Variants in GRK4 observed in about 807,000 individuals in gnomAD.
The protein encoded by GRK4 is G protein-coupled receptor kinase 4, also known as G protein-coupled receptor kinase 2-like.
A neutral mutation model predicts 77.9 loss-of-function variants in GRK4; 73 were observed. The ratio of observed to expected loss-of-function variants is 0.94; its 90% CI spans 0.78 to 1.14. The LOEUF is 1.14. Among genes scored for constraint, GRK4 ranks in the 50% most tolerant of loss-of-function variants. The pLI, the probability that GRK4 is intolerant of heterozygous loss-of-function variation, is 0.00. For synonymous variants in GRK4, 257 were observed against 254.4 expected (o/e 1.01, Z -0.10); for missense variants, 729 against 700.2 (o/e 1.04, Z -0.46).
At chr4:2,972,964 A>T (rs1368945064) in intron 1 of GRK4, among the ~76,000 whole-genome samples, 1 of 152,162 alleles carries the variant, frequency 6.6e-6, no homozygotes, top group Non-Finnish European at 1.5e-5. Context: ...TAAACTCCTG[A>T]ACCCAAGTGA....
chr4:2,987,280 T>C (rs1042726590), intron 2 of GRK4: 2 of 343,944 alleles, frequency 5.8e-6, no homozygotes, highest in African/African-American at 4.3e-5. Flanking sequence ...CATCCTTTTT[T>C]GTTGGTGAAT....
At chr4:2,994,403 G>T (rs1727192723) in intron 4 of GRK4, among the ~76,000 whole-genome samples, 1 of 152,132 alleles carries the variant, frequency 6.6e-6, no homozygotes, top group Non-Finnish European at 1.5e-5. Flanking sequence ...TACAGACGGG[G>T]TTTTGCCATA....
chr4:3,004,221 C>T lies in GRK4; in HGVS notation c.340-10C>T, dbSNP rs765732679. ...CTAATGGTTATGTATTTGGTTTGTA[C>T]TGTATTAAGTTGGCAGCCCCTTTAC... On this transcript the variant is annotated splice_polypyrimidine_tract_variant and intron_variant, in intron 4 of 15. Coordinates refer to ENST00000398052, the MANE Select transcript of GRK4 (RefSeq NM_182982.3). 8 of 1,577,216 alleles carry T rather than the reference C, an allele frequency of 5.1e-6. No individual in the cohort carries two copies. The highest frequency in any genetic ancestry group is 7.0e-6 in the Non-Finnish European group (8 of 1,146,670).
Position 3,013,693 on chromosome 4 carries a change from C to G in GRK4, c.606C>G (p.Cys202Trp). 1.2e-6 allele frequency: 2 copies of G among 1,606,396 alleles called. No individual in the cohort carries two copies. Among genetic ancestry groups the G allele is most frequent in the Non-Finnish European group, 1.7e-6 (2 of 1,177,672 alleles). ...TATTTTGCTGTTTAAACTAGGTTTG[C>G]GCCTGTCAAGTGCGAGCCACAGGAA... is the stretch of plus-strand genomic sequence containing the variant. The part of the protein sequence containing the change: ...VLGKGGFGEV[C>W]ACQVRATGKM... Residue 202 changes from cysteine to tryptophan, a missense_variant, in exon 8 of 16, where the codon TGC becomes TGG. Cys to Trp is a radical substitution (Grantham distance 215, BLOSUM62 -2). Transcript: ENST00000398052.
In GRK4 at chr4:2,963,830, T is replaced by A; in HGVS notation, c.-241T>A. 1.8e-6 allele frequency: 1 copy of A among 550,194 alleles called. No individual in the cohort carries two copies. Among genetic ancestry groups the A allele is most frequent in the South Asian group, 2.2e-5 (1 of 45,000 alleles). The allele number at this position is 550,194 out of a possible 1,614,324, so 34.1% of individuals were successfully genotyped here. ...CGGTGACAGCTGGGACCCGCCGCGG[T>A]CGGGCTGCCCCCTCCCCTCGCCCCG... On this transcript the variant is annotated 5_prime_UTR_variant, in exon 1 of 16. Coordinates refer to ENST00000398052, the MANE Select transcript of GRK4 (RefSeq NM_182982.3).
In GRK4 at chr4:2,963,788, G is replaced by T; in HGVS notation, c.-283G>T. ...AGGGCGATGGGGCCAAGAAGAACCGGGGCGATAGCGCGGCAGCGGTGACAG... is the reference window on the plus strand; with the variant it reads ...AGGGCGATGGGGCCAAGAAGAACCGTGGCGATAGCGCGGCAGCGGTGACAG... On this transcript the variant is annotated 5_prime_UTR_variant, in exon 1 of 16. Coordinates refer to ENST00000398052, the MANE Select transcript of GRK4 (RefSeq NM_182982.3). 1.9e-6 allele frequency: 1 copy of T among 517,976 alleles called. No homozygotes were observed. The highest frequency in any genetic ancestry group is 3.4e-6 in the Non-Finnish European group (1 of 295,528). 32.1% of individuals were successfully genotyped at this position (517,976 alleles called of 1,614,324 possible).
At chr4:3,036,299 G>A (rs1184484748) in intron 13 of GRK4, among the ~76,000 whole-genome samples, 3 of 152,272 alleles carry the variant, frequency 2.0e-5, no homozygotes, top group Non-Finnish European at 4.4e-5. Flanking sequence ...GTGCCTCCTT[G>A]TGAGTGTGCT....
intron 4 of GRK4, among the ~76,000 whole-genome samples, chr4:3,001,235 GTGTATATATATACATATA>G (rs1360877355): frequency 1.4e-5 from 2 of 138,078 alleles, no homozygotes; most frequent in Non-Finnish European, 3.1e-5. Flanking sequence ...ATATGTGTAT[GTGTATATATATACATATA>G]TGTATATATA....
In GRK4 at chr4:2,992,276, G is replaced by C. The variant is rs1340127073; in HGVS notation, c.323G>C (p.Arg108Thr). 6 of 1,603,356 alleles carry C rather than the reference G, an allele frequency of 3.7e-6. No homozygotes were observed. Among genetic ancestry groups the C allele is most frequent in the Admixed American group, 1.7e-5 (1 of 59,932 alleles). The change falls in exon 4 of 16, where the codon AGA (arginine) becomes ACA (threonine). Residue 108 changes from arginine to threonine, a missense_variant. Coordinates refer to ENST00000398052, the MANE Select transcript of GRK4 (RefSeq NM_182982.3). ...RSDCGLSILD[R>T]FFNDKLAAPL... is the part of the protein sequence containing the mutation. ...GATTGTGGACTGTCAATCTTAGATA[G>C]ATTCTTCAATGATAAGGTGTGTTTT...
chr4:2,979,865 C>A (rs143353960), intron 1 of GRK4, among the ~76,000 whole-genome samples: 15 of 152,248 alleles, frequency 9.9e-5, no homozygotes, highest in African/African-American at 3.4e-4. Flanking sequence ...CAGAGCAAGA[C>A]CCTATCTCAA....
chr4:3,007,885 C>T (rs750910591), intron 6 of GRK4, 57 bp downstream of exon 6: 7 of 1,154,046 alleles, frequency 6.1e-6, no homozygotes, highest in Non-Finnish European at 9.0e-6. Flanking sequence ...TGCCTGTAGT[C>T]CCAGCTACTC....
chr4:2,987,025 G>T (rs2471324), intron 2 of GRK4: 136,355 of 415,526 alleles, frequency 0.33, 23,993 homozygotes, highest in African/African-American at 0.44. Context: ...TTAATATATT[G>T]AGTTGTGAAA....
chr4:3,013,201 G>C (rs1411929209), intron 7 of GRK4, among the ~76,000 whole-genome samples: 2 of 151,598 alleles, frequency 1.3e-5, no homozygotes, highest in African/African-American at 2.4e-5. Context: ...CCGCCACCAT[G>C]CCTAGTTAAT....
rs1560514526 is a variant in GRK4 at position 3,037,517 on chromosome 4, GC to G, written c.1545+9del. 1 of 1,598,402 alleles carries G rather than the reference GC, an allele frequency of 6.3e-7. No homozygotes were observed. The highest frequency in any genetic ancestry group is 1.7e-5 in the Admixed American group (1 of 59,732). ...CCATCCCCTGGCAGAATGAGGTACT[GC>G]CCTTCCAGCACAGCCGCTTTACGTT... is the stretch of plus-strand genomic sequence containing the variant. On this transcript the variant is annotated splice_region_variant and intron_variant, in intron 14 of 15. Transcript: ENST00000398052.
intron 7 of GRK4, among the ~76,000 whole-genome samples, chr4:3,010,892 C>G (rs1732724122): frequency 6.6e-6 from 1 of 152,152 alleles, no homozygotes; most frequent in African/African-American, 2.4e-5. Context: ...CTTGACATGA[C>G]AAGAAATTGG....
chr4:2,976,337 TCCTC>T (rs1432161974), intron 1 of GRK4, among the ~76,000 whole-genome samples: 1 of 151,936 alleles, frequency 6.6e-6, no homozygotes, highest in Non-Finnish European at 1.5e-5. Context: ...GCTCCAGTGA[TCCTC>T]CCACCTCAGC....
chr4:3,040,087 T>A (rs1741972854), intron 15 of GRK4, among the ~76,000 whole-genome samples: 1 of 152,214 alleles, frequency 6.6e-6, no homozygotes, highest in Admixed American at 6.5e-5. Context: ...GAGCTAAGCA[T>A]CTACCACATC....
At chr4:2,993,997 G>C (rs1224332993) in intron 4 of GRK4, among the ~76,000 whole-genome samples, 1 of 152,180 alleles carries the variant, frequency 6.6e-6, no homozygotes, top group African/African-American at 2.4e-5. Context: ...TGCCAGAGGG[G>C]ATGGCCAGCA....
chr4:3,030,477 C>T (rs1738836592), intron 12 of GRK4, among the ~76,000 whole-genome samples: 1 of 151,988 alleles, frequency 6.6e-6, no homozygotes, highest in Non-Finnish European at 1.5e-5. Context: ...TTGTATGTTC[C>T]AGGCACCGTC....
Sources: gnomAD v4.1 joint callset for allele counts (sites outside exome capture counted in the v4.1 genomes callset) on GRCh38, gnomAD v4.1.1 for gene constraint, MANE v1.5 for transcripts, NCBI Gene and HGNC (gene_info 2026-07-23, HGNC 2026-07-21) for gene names.